MCF2L: variants seen among roughly 807,000 people sequenced by gnomAD.
MCF2L encodes the protein MCF.2 cell line derived transforming sequence like.
In MCF2L, 97 loss-of-function variants were observed where a neutral mutation model predicts 153.4. The observed-to-expected ratio is 0.63, with a 90% CI of 0.54 to 0.75. MCF2L has a LOEUF of 0.75. Among genes scored for constraint, MCF2L ranks in the 30% least tolerant of loss-of-function variants. MCF2L has a pLI of 0.00. For missense variants in MCF2L, 1,347 were observed against 1,495.2 expected, an observed-to-expected ratio of 0.90 and a Z score of 1.64; for synonymous variants, 659 against 632.2, an observed-to-expected ratio of 1.04 and a Z score of -0.64.
chr13:113,080,937 G>A (rs1293414431), intron 15 of MCF2L, among the ~76,000 whole-genome samples: 4 of 152,194 alleles, frequency 2.6e-5, no homozygotes, highest in African/African-American at 9.7e-5. Flanking sequence ...GCGAGTCTGG[G>A]AATCCCTCCT....
intron 1 of MCF2L, among the ~76,000 whole-genome samples, chr13:112,899,298 C>T (rs2081098383): frequency 6.6e-6 from 1 of 152,212 alleles, no homozygotes; most frequent in South Asian, 2.1e-4. Flanking sequence ...CTCGGTCCAG[C>T]CTTCGGCCTT....
intron 1 of MCF2L, chr13:112,979,738 C>G: frequency 6.2e-7 from 1 of 1,612,156 alleles, no homozygotes; most frequent in Non-Finnish European, 8.5e-7. Flanking sequence ...CGCCGGGGAA[C>G]TGCAGGGCGC....
In MCF2L at chr13:113,076,174, C is replaced by T. The variant is rs1259360827; in HGVS notation, c.1500+17C>T. 6.3e-7 allele frequency: 1 copy of T among 1,598,350 alleles called. No individual in the cohort carries two copies. Among genetic ancestry groups the T allele is most frequent in the South Asian group, 1.1e-5 (1 of 88,864 alleles). Reference sequence around the variant, plus strand: ...GATCTCATGGTAACGCTGACTCGGGCTCTCCATTTGCAGCTTGCTGTCCCG... The same window carrying T: ...GATCTCATGGTAACGCTGACTCGGGTTCTCCATTTGCAGCTTGCTGTCCCG... On this transcript the variant is annotated intron_variant, in intron 12 of 29. Coordinates refer to ENST00000535094, the MANE Select transcript of MCF2L (RefSeq NM_001112732.3).
intron 2 of MCF2L, chr13:112,909,286 T>A (rs1465921990): frequency 1.3e-6 from 1 of 779,740 alleles, no homozygotes; most frequent in Non-Finnish European, 2.4e-6. Context: ...TGAGCTGGTG[T>A]CCTGCCAGTC....
At chr13:112,986,412 G>A (rs896727450) in intron 1 of MCF2L, among the ~76,000 whole-genome samples, 7 of 152,216 alleles carry the variant, frequency 4.6e-5, no homozygotes, top group South Asian at 4.1e-4. Flanking sequence ...TCCCACGAAC[G>A]GTGTGGGAGG....
intron 8 of MCF2L, among the ~76,000 whole-genome samples, chr13:113,066,779 G>A (rs1053268746): frequency 6.6e-6 from 1 of 151,870 alleles, no homozygotes; most frequent in Non-Finnish European, 1.5e-5. Context: ...TCGCTGGTGG[G>A]TGCTATCAGC....
At chr13:112,898,499 G>A (rs886789071) in intron 1 of MCF2L, among the ~76,000 whole-genome samples, 11 of 152,226 alleles carry the variant, frequency 7.2e-5, no homozygotes, top group Admixed American at 2.0e-4. Context: ...CTGGCCACTC[G>A]CAGCCTCCCT....
rs538737358 is a variant in MCF2L at position 113,094,721 on chromosome 13, G to T, written c.3075+86G>T. 274 of 1,498,808 alleles carry T rather than the reference G, an allele frequency of 1.8e-4. 4 individuals carry two copies. The African/African-American group carries it at 3.5e-3, about 19-fold the overall frequency. The allele number at this position is 1,498,808 out of a possible 1,614,324, so 92.8% of individuals were successfully genotyped here. A position where few individuals can be genotyped will look rare whatever the true frequency, so the allele number is the denominator to read the frequency against. ...CTTCTGGCAGGTCCACCCAGGCTTGGGTCTTAGGACACAGCCCCAGCTCCT... is the reference window on the plus strand; with the variant it reads ...CTTCTGGCAGGTCCACCCAGGCTTGTGTCTTAGGACACAGCCCCAGCTCCT... On this transcript the variant is annotated intron_variant, in intron 27 of 29. Transcript: ENST00000535094.
chr13:113,094,833 G>GGGT, intron 27 of MCF2L, 198 bp downstream of exon 27: 1 of 1,070,470 alleles, frequency 9.3e-7, no homozygotes. Flanking sequence ...ACCCAGACCT[G>GGGT]GGTCTTGGGG....
intron 1 of MCF2L, among the ~76,000 whole-genome samples, chr13:112,994,579 G>A (rs1004604236): frequency 3.3e-5 from 5 of 152,194 alleles, no homozygotes; most frequent in African/African-American, 9.7e-5. Flanking sequence ...GTTTCTTCCC[G>A]CTGGTCAGGG....
chr13:113,016,666 GC>G (rs2084538083), intron 2 of MCF2L, among the ~76,000 whole-genome samples: 1 of 152,066 alleles, frequency 6.6e-6, no homozygotes, highest in South Asian at 2.1e-4. Context: ...CTGGAGGCAG[GC>G]TGCCTCCCCA....
chr13:113,026,507 C>T (rs1413791053), intron 3 of MCF2L, among the ~76,000 whole-genome samples: 3 of 152,206 alleles, frequency 2.0e-5, no homozygotes, highest in African/African-American at 4.8e-5. Flanking sequence ...GCTCAGCAGT[C>T]GGGATCTGAC....
chr13:113,041,683 T>C (rs1317644783), intron 3 of MCF2L, among the ~76,000 whole-genome samples: 1 of 152,086 alleles, frequency 6.6e-6, no homozygotes, highest in African/African-American at 2.4e-5. Context: ...ACCTTCTGAG[T>C]CAGTGTTCCC....
At chr13:112,910,955 G>T (rs1269391310) in intron 2 of MCF2L, among the ~76,000 whole-genome samples, 1 of 139,072 alleles carries the variant, frequency 7.2e-6, no homozygotes, top group Non-Finnish European at 1.6e-5. Context: ...AAATGAAGCC[G>T]CAGCCAAAAC....
At chr13:113,018,806 C>T (rs188505974) in intron 2 of MCF2L, among the ~76,000 whole-genome samples, 3 of 152,356 alleles carry the variant, frequency 2.0e-5, no homozygotes, top group South Asian at 2.1e-4. Flanking sequence ...CAGAGGCCAC[C>T]GCCACTGTGC....
chr13:112,976,878 G>A (rs2082233294), intron 1 of MCF2L, among the ~76,000 whole-genome samples: 3 of 152,308 alleles, frequency 2.0e-5, no homozygotes, highest in South Asian at 4.1e-4. Context: ...GGTTGGGGTC[G>A]CCCAGTCGGA....
intron 26 of MCF2L, 154 bp from the exon 27 acceptor site, chr13:113,094,360 C>G: frequency 1.4e-6 from 1 of 714,796 alleles, no homozygotes; most frequent in South Asian, 2.3e-5. Context: ...GTGTCCTGCT[C>G]AGCTCTTTAT....
chr13:112,901,198 G>A (rs1458073605), intron 1 of MCF2L, among the ~76,000 whole-genome samples: 1 of 152,146 alleles, frequency 6.6e-6, no homozygotes, highest in Non-Finnish European at 1.5e-5. Context: ...GTTGTGCCTA[G>A]GCTGGAGTGC....
At chr13:112,968,146 G>GGC (rs1555355468), upstream of MCF2L, among the ~76,000 whole-genome samples, 5 of 148,302 alleles carry the variant, frequency 3.4e-5, 1 homozygote, top group South Asian at 1.1e-3. Context: ...GTGAGGTGGG[G>GGC]GGGGGGGTCT....
Sources: allele counts gnomAD v4.1 joint callset (sites outside exome capture counted in the v4.1 genomes callset), GRCh38; gene constraint gnomAD v4.1.1; transcripts MANE v1.5; gene names NCBI Gene and HGNC (gene_info 2026-07-23, HGNC 2026-07-21).